The following TRPM2 variants were observed in gnomAD, a reference collection of about 807,000 sequenced individuals.
TRPM2 encodes transient receptor potential cation channel subfamily M member 2.
Under a neutral mutation model 174.0 loss-of-function variants are expected in TRPM2, and 161 were observed. The observed-to-expected ratio is 0.93, with a 90% CI of 0.81 to 1.05. The LOEUF is 1.05. TRPM2 is among the 50% of genes least tolerant of loss of function. The probability of loss-of-function intolerance (pLI) is 0.00; values close to 1 mark genes in which losing one functional copy is unlikely to be tolerated. For synonymous variants in TRPM2, 954 were observed against 861.3 expected (o/e 1.11, Z -1.88); for missense variants, 2,057 against 2,038.0 (o/e 1.01, Z -0.18).
intron 5 of TRPM2, among the ~76,000 whole-genome samples, chr21:44,373,586 ACCTGCATTATATGC>A (rs1569029787): frequency 1.9e-5 from 2 of 106,348 alleles, no homozygotes; most frequent in East Asian, 2.6e-4. Context: ...ATTATATGCG[ACCTGCATTATATGC>A]GACCTGCATT....
rs1433490004 is a variant in TRPM2, at chr21:44,376,432, G to C, written c.952+419G>C. ...TACATTTTTTTTGGGACAGGGTCTG[G>C]AGCGCAGTGGTGTGATCTCAGCTCA... On this transcript the variant is annotated intron_variant, in intron 6 of 31. Coordinates refer to ENST00000397928, the MANE Select transcript of TRPM2 (RefSeq NM_003307.4). This position sits in a 1 kb window ranked among gnomAD's most constrained non-coding sequence, Gnocchi z 4.2. 1.3e-5 allele frequency among the ~76,000 whole-genome samples: 2 copies of C among 152,148 alleles called. No homozygotes were observed. The highest frequency in any genetic ancestry group is 4.8e-5 in the African/African-American group (2 of 41,446).
At position 44,418,084 on chromosome 21, in the gene TRPM2, C is replaced by A. The variant is rs201505422; in HGVS notation, c.3304C>A (p.Pro1102Thr). The stretch of plus-strand genomic sequence containing the variant: ...CATCAAGAGGGTGGTCCTGAAGACT[C>A]CGGCCAAGAGGCACAAGCAGCTCAG... ...LFIKRVVLKT[P>T]AKRHKQLKNK... Residue 1102 changes from proline (P) to threonine (T), a missense_variant, in exon 21 of 32, where the codon CCG becomes ACG. Pro to Thr is a conservative substitution (Grantham distance 38, BLOSUM62 -1). Transcript: ENST00000397928. 2 of 1,612,454 alleles carry A rather than the reference C, an allele frequency of 1.2e-6. No individual in the cohort carries two copies. Among genetic ancestry groups the A allele is most frequent in the East Asian group, 2.2e-5 (1 of 44,870 alleles).
chr21:44,406,161 C>A, intron 18 of TRPM2, 124 bp downstream of exon 18: 1 of 1,284,166 alleles, frequency 7.8e-7, no homozygotes, highest in Non-Finnish European at 1.1e-6. Flanking sequence ...CCCGTCCCTG[C>A]TTTGCCCCTT....
rs748349650 is a variant in TRPM2, at chr21:44,400,255, G to A, written c.2209-4G>A. 126 of 1,610,882 alleles carry A rather than the reference G, an allele frequency of 7.8e-5. No homozygotes were observed. Among genetic ancestry groups the A allele is most frequent in the Non-Finnish European group, 9.5e-5 (112 of 1,178,728 alleles). ...TGCCATCCTGAGACTGCCCCCATCC[G>A]CAGGCCTTCCTGACCAAGGTGTGGT... On this transcript the variant is annotated splice_polypyrimidine_tract_variant and splice_region_variant and intron_variant, in intron 14 of 31. Coordinates refer to ENST00000397928, the MANE Select transcript of TRPM2 (RefSeq NM_003307.4).
chr21:44,357,886 C>T (rs949444522), intron 2 of TRPM2, among the ~76,000 whole-genome samples: 7 of 152,186 alleles, frequency 4.6e-5, no homozygotes, highest in Non-Finnish European at 8.8e-5. Context: ...TCACCAACCA[C>T]GGTGGTCACT....
rs371808369 is a variant in TRPM2, at chr21:44,424,543, T to A, written c.3550-309T>A. On this transcript the variant is annotated intron_variant, in intron 23 of 31. Coordinates refer to ENST00000397928, the MANE Select transcript of TRPM2 (RefSeq NM_003307.4). ...TGGTGCAGAATTGCCTGACTGTGCC[T>A]TCATGCTGGCTCCATCCTCTGGCTT... Among the ~76,000 whole-genome samples, 163 of 152,348 alleles carry A rather than the reference T, an allele frequency of 1.1e-3. 6 individuals are homozygous for A. In the South Asian group the frequency reaches 0.033, roughly 31 times the overall value.
intron 4 of TRPM2, among the ~76,000 whole-genome samples, chr21:44,368,048 C>T (rs2048410350): frequency 6.6e-6 from 1 of 152,258 alleles, no homozygotes; most frequent in Admixed American, 6.5e-5. Flanking sequence ...TTGTTGTCCG[C>T]TTCCTGGCCC....
intron 12 of TRPM2, 126 bp from the exon 13 acceptor site, chr21:44,397,621 C>T: frequency 2.9e-6 from 3 of 1,045,696 alleles, no homozygotes; most frequent in South Asian, 4.9e-5. Context: ...TGGTCACACA[C>T]AGTGATTGCC....
At chr21:44,425,454 G>T in intron 24 of TRPM2, 1 of 486,330 alleles carries the variant, frequency 2.1e-6, no homozygotes, top group Non-Finnish European at 3.6e-6. Flanking sequence ...AAAGAGGCAG[G>T]TGCCGGCGGG....
Position 44,366,814 on chromosome 21 carries a change from TG to T in TRPM2, c.489del (p.Leu164TrpfsTer7), listed in dbSNP as rs2048376464. ...SVIYHLMTQH[W>X]GLDVPNLLIS... ...GATCTACCACCTCATGACCCAGCAC[TG>T]GGGGCTGGACGTCCCCAATCTCTTG... On this transcript the variant is annotated frameshift_variant, in exon 4 of 32. Transcript: ENST00000397928. LOFTEE classifies it high-confidence loss of function. This position sits in a 1 kb window ranked among gnomAD's most constrained non-coding sequence, Gnocchi z 6.0. The T allele has an allele frequency of 1.9e-6, 3 of 1,613,542 alleles. No homozygotes were observed. Among genetic ancestry groups the T allele is most frequent in the South Asian group, 2.2e-5 (2 of 91,044 alleles).
chr21:44,373,169 C>T (rs770272678), intron 5 of TRPM2, among the ~76,000 whole-genome samples: 7 of 151,854 alleles, frequency 4.6e-5, no homozygotes, highest in Non-Finnish European at 7.4e-5. Context: ...TTAGACACAC[C>T]CTTGGCCCTC....
At chr21:44,424,072 G>A (rs1224112254) in intron 23 of TRPM2, among the ~76,000 whole-genome samples, 9 of 152,238 alleles carry the variant, frequency 5.9e-5, no homozygotes, top group Admixed American at 1.3e-4. Context: ...CCGCAAGACC[G>A]AGGTGGGGAG....
intron 7 of TRPM2, among the ~76,000 whole-genome samples, chr21:44,378,704 C>G (rs1409952975): frequency 2.0e-5 from 3 of 152,200 alleles, no homozygotes. Flanking sequence ...TGCAGCGTCC[C>G]CTTTGCTGCG....
At position 44,401,804 on chromosome 21, in the gene TRPM2, C is replaced by T. The variant is rs144122042; in HGVS notation, c.2445C>T (p.Tyr815=). 48 of 1,613,800 alleles carry T rather than the reference C, an allele frequency of 3.0e-5. No homozygotes were observed. The highest frequency in any genetic ancestry group is 2.9e-4 in the East Asian group (13 of 44,894). ...TCGCCTTCCTCTGCCTGTTCGCCTA[C>T]GTGCTCATGGTGGACTTCCAGCCTG... is the stretch of plus-strand genomic sequence containing the variant. The part of the protein sequence containing the change: ...SYFAFLCLFA[Y]VLMVDFQPVP... The change falls in exon 16 of 32, where the codon TAC becomes TAT. Residue 815 remains tyrosine, a synonymous_variant. Transcript: ENST00000397928.
upstream of TRPM2, among the ~76,000 whole-genome samples, chr21:44,352,294 G>A (rs1439948656): frequency 1.3e-5 from 2 of 152,342 alleles, no homozygotes; most frequent in African/African-American, 2.4e-5. Context: ...TGAAGTTTAC[G>A]GGTCTCGGAA....
intron 20 of TRPM2, among the ~76,000 whole-genome samples, chr21:44,417,106 G>A (rs1464082232): frequency 3.6e-5 from 5 of 138,342 alleles, no homozygotes; most frequent in African/African-American, 1.4e-4. Context: ...TGGCATCACA[G>A]TGGGCATGTG....
Position 44,406,581 on chromosome 21 carries a change from C to T in TRPM2, c.2791-13C>T, listed in dbSNP as rs1318964267. The T allele has an allele frequency of 3.1e-6, 5 of 1,605,064 alleles. No individual in the cohort carries two copies. Among genetic ancestry groups the T allele is most frequent in the Non-Finnish European group, 4.2e-6 (5 of 1,178,590 alleles). On this transcript the variant is annotated splice_polypyrimidine_tract_variant and intron_variant, in intron 18 of 31. Transcript: ENST00000397928. ...GCCAGGAGAGTGTAGCCCACACACT[C>T]TCTGTCCTGCAGATGAAGGACGTCT...
intron 16 of TRPM2, among the ~76,000 whole-genome samples, chr21:44,403,530 G>GCA: frequency 6.9e-6 from 1 of 145,920 alleles, no homozygotes; most frequent in South Asian, 2.2e-4. Context: ...GCACACAAAT[G>GCA]CACACACACA....
chr21:44,358,779 T>C (rs182881552), intron 2 of TRPM2, among the ~76,000 whole-genome samples: 78 of 152,254 alleles, frequency 5.1e-4, no homozygotes, highest in Admixed American at 5.0e-3. Flanking sequence ...GGAGGTCACA[T>C]TGTGTCCGGA....
Sources: gnomAD v4.1 joint callset for allele counts (sites outside exome capture counted in the v4.1 genomes callset) on GRCh38, gnomAD v4.1.1 for gene constraint, Gnocchi (gnomAD v3.1) non-coding constraint, MANE v1.5 for transcripts, NCBI Gene and HGNC (gene_info 2026-07-23, HGNC 2026-07-21) for gene names.